CBLB: variants seen among roughly 807,000 people sequenced by gnomAD.
CBLB encodes the protein E3 ubiquitin-protein ligase CBL-B.
CBLB carries 31 observed loss-of-function variants against 104.9 expected under a neutral mutation model. That is an observed-to-expected ratio of 0.30 (90% CI 0.22 to 0.40). The LOEUF is 0.40. Ranked by LOEUF, CBLB falls within the 10% of genes least tolerant of loss-of-function variation. The pLI is 1.00. For synonymous variants in CBLB, 440 were observed against 422.6 expected, an observed-to-expected ratio of 1.04 and a Z score of -0.51; for missense variants, 1,062 against 1,214.6, an observed-to-expected ratio of 0.87 and a Z score of 1.87.
intron 10 of CBLB, among the ~76,000 whole-genome samples, chr3:105,711,885 A>G (rs2301038): frequency 6.6e-6 from 1 of 152,174 alleles, no homozygotes; most frequent in Non-Finnish European, 1.5e-5. Context: ...GGAAATTTTC[A>G]AATTAGAAGC....
chr3:105,818,196 TA>T (rs1429022207), intron 3 of CBLB, among the ~76,000 whole-genome samples: 2 of 152,180 alleles, frequency 1.3e-5, no homozygotes, highest in African/African-American at 4.8e-5. Context: ...TTTGTAATAA[TA>T]AAATGTATTT....
chr3:105,861,630 A>G (rs2092091444), intron 2 of CBLB, among the ~76,000 whole-genome samples: 1 of 148,486 alleles, frequency 6.7e-6, no homozygotes, highest in Admixed American at 6.8e-5. Flanking sequence ...CTTTCCCATC[A>G]ATCTTTTTTT....
At chr3:105,662,941 G>C (rs1421848461) in intron 18 of CBLB, among the ~76,000 whole-genome samples, 1 of 151,766 alleles carries the variant, frequency 6.6e-6, no homozygotes, top group Non-Finnish European at 1.5e-5. Context: ...ACTGTCATTA[G>C]GAGAGTTACT....
intron 3 of CBLB, among the ~76,000 whole-genome samples, chr3:105,790,696 A>G (rs1204525969): frequency 1.3e-5 from 2 of 152,222 alleles, no homozygotes; most frequent in Non-Finnish European, 2.9e-5. Flanking sequence ...GGAACTAAAG[A>G]GAGGTGTTCA....
rs541297196 is a variant in CBLB at position 105,831,243 on chromosome 3, G to A, written c.419+22171C>T. ...ACAATACAATATGCTTTCACATATT[G>A]TATTCTAAGCTAGGCGTATACTCCC... On this transcript the variant is annotated intron_variant, in intron 3 of 18. Coordinates refer to ENST00000394030, the MANE Select transcript of CBLB (RefSeq NM_170662.5). Among the ~76,000 whole-genome samples the A allele has an allele frequency of 5.9e-5, 9 of 152,296 alleles. No homozygotes were observed. In the South Asian group the frequency reaches 1.7e-3, roughly 28 times the overall value.
At chr3:105,724,827 T>C (rs1259439051) in intron 9 of CBLB, among the ~76,000 whole-genome samples, 2 of 152,148 alleles carry the variant, frequency 1.3e-5, no homozygotes, top group Non-Finnish European at 2.9e-5. Context: ...AAATATTAAT[T>C]CATTTAATCC....
intron 9 of CBLB, among the ~76,000 whole-genome samples, chr3:105,727,104 T>G (rs2073755596): frequency 6.6e-6 from 1 of 152,224 alleles, no homozygotes; most frequent in African/African-American, 2.4e-5. Flanking sequence ...TATTTCTGAC[T>G]CTAGATCCTT....
chr3:105,701,087 C>T (rs543886746), intron 12 of CBLB, among the ~76,000 whole-genome samples: 20 of 152,264 alleles, frequency 1.3e-4, no homozygotes, highest in Admixed American at 1.2e-3. Flanking sequence ...CACCCTGGAA[C>T]CAAATACCAG....
chr3:105,736,566 T>C (rs1296300928), intron 8 of CBLB, among the ~76,000 whole-genome samples: 1 of 152,194 alleles, frequency 6.6e-6, no homozygotes, highest in East Asian at 1.9e-4. Flanking sequence ...TCTTAGTATT[T>C]TGTAATTTTT....
intron 14 of CBLB, among the ~76,000 whole-genome samples, chr3:105,683,567 AT>A (rs2066593025): frequency 2.0e-5 from 3 of 152,222 alleles, no homozygotes; most frequent in African/African-American, 7.2e-5. Flanking sequence ...ATGAAAAAAA[AT>A]AAGACTCCCA....
At position 105,812,694 on chromosome 3, in the gene CBLB, G is replaced by A. The variant is rs77388551; in HGVS notation, c.420-36152C>T. On this transcript the variant is annotated intron_variant, in intron 3 of 18. Transcript: ENST00000394030. ...GAGATGAAGATACAAAAGTAAGAAG[G>A]GCTAGACTCAGGAAGATCTTATAGG... 2.4e-3 allele frequency among the ~76,000 whole-genome samples: 361 copies of A among 152,196 alleles called. 7 individuals are homozygous for A. The East Asian group carries it at 0.044, about 19-fold the overall frequency.
chr3:105,748,707 A>T (rs577183816), intron 5 of CBLB, among the ~76,000 whole-genome samples: 2 of 152,346 alleles, frequency 1.3e-5, no homozygotes, highest in East Asian at 3.9e-4. Context: ...AGATCCCTCC[A>T]GTGACTCCCA....
At chr3:105,777,134 G>A (rs905863433) in intron 3 of CBLB, among the ~76,000 whole-genome samples, 2 of 152,172 alleles carry the variant, frequency 1.3e-5, no homozygotes, top group African/African-American at 2.4e-5. Flanking sequence ...AGGGTAACAG[G>A]AGAAAATAAC....
At chr3:105,816,191 TTAG>T (rs1324288861) in intron 3 of CBLB, among the ~76,000 whole-genome samples, 5 of 152,056 alleles carry the variant, frequency 3.3e-5, no homozygotes, top group African/African-American at 4.8e-5. Flanking sequence ...ATCCCAGAAC[TTAG>T]TATATTTTTT....
intron 4 of CBLB, among the ~76,000 whole-genome samples, chr3:105,754,527 G>GAGAGAC (rs1553767688): frequency 0.019 from 443 of 23,116 alleles, 1 homozygote; most frequent in African/African-American, 0.044. Context: ...GAGAGACAGA[G>GAGAGAC]AGAGAGAGAG....
chr3:105,855,316 A>G (rs2091458094), intron 2 of CBLB, among the ~76,000 whole-genome samples: 1 of 152,194 alleles, frequency 6.6e-6, no homozygotes. Flanking sequence ...GTTATGTAGG[A>G]TAATTAATAC....
rs1189326907 is a variant in CBLB at position 105,702,340 on chromosome 3, C to A, written c.1713G>T (p.Leu571=). 1 of 1,613,900 alleles carries A rather than the reference C, an allele frequency of 6.2e-7. No homozygotes were observed. The highest frequency in any genetic ancestry group is 1.1e-5 in the South Asian group (1 of 91,046). The part of the protein sequence containing the change: ...RPPPIPPDNR[L]SRHIHHVESV... Reference sequence around the variant, plus strand: ...TTTCCACATGATGGATGTGTCTACTCAGTCTATTGTCTGGTGGGATTGGTG... The same window carrying A: ...TTTCCACATGATGGATGTGTCTACTAAGTCTATTGTCTGGTGGGATTGGTG... The change falls in exon 12 of 19, where the codon CTG becomes CTT. Residue 571 remains leucine, a synonymous_variant. Coordinates refer to ENST00000394030, the MANE Select transcript of CBLB (RefSeq NM_170662.5).
intron 17 of CBLB, among the ~76,000 whole-genome samples, chr3:105,675,694 G>C (rs749967018): frequency 6.6e-6 from 1 of 151,852 alleles, no homozygotes; most frequent in African/African-American, 2.4e-5. Flanking sequence ...GACCAGCCTG[G>C]CCAACATGGC....
intron 1 of CBLB, chr3:105,868,245 AGAG>A (rs986251580): frequency 8.1e-7 from 1 of 1,230,376 alleles, no homozygotes; most frequent in African/African-American, 1.6e-5. Context: ...CCATTTGAAA[AGAG>A]AAAAGAGAAA....
Sources: gnomAD v4.1 joint callset for allele counts (sites outside exome capture counted in the v4.1 genomes callset) on GRCh38, gnomAD v4.1.1 for gene constraint, MANE v1.5 for transcripts, NCBI Gene and HGNC (gene_info 2026-07-23, HGNC 2026-07-21) for gene names.